Variants in LARP1 observed in about 807,000 individuals in gnomAD.
The protein encoded by LARP1 is La ribonucleoprotein 1, translational regulator.
In LARP1, 36 loss-of-function variants were observed where a neutral mutation model predicts 122.7. The ratio of observed to expected loss-of-function variants is 0.29; its 90% confidence interval spans 0.22 to 0.39. LARP1 has a LOEUF of 0.39. Ranked by LOEUF, LARP1 falls within the 10% of genes least tolerant of loss-of-function variation. The probability of loss-of-function intolerance (pLI) is 1.00; values close to 1 mark genes in which losing one functional copy is unlikely to be tolerated. For synonymous variants in LARP1, 539 were observed against 528.7 expected (o/e 1.02, Z -0.27); for missense variants, 1,040 against 1,403.6 (o/e 0.74, Z 4.14).
In LARP1 at chr5:154,814,268, C is replaced by T; in HGVS notation, c.*172C>T. 1 of 624,588 alleles carries T rather than the reference C, an allele frequency of 1.6e-6. No homozygotes were observed. Among genetic ancestry groups the T allele is most frequent in the Non-Finnish European group, 2.8e-6 (1 of 357,898 alleles). 38.7% of individuals were successfully genotyped at this position (624,588 alleles called of 1,614,324 possible). ...ACCATTTGGGCTATCAGAGGTACCC[C>T]TGGGCAGGAGCCTCTACATCCCCTT... On this transcript the variant is annotated 3_prime_UTR_variant, in exon 19 of 19. Coordinates refer to ENST00000518297, the MANE Select transcript of LARP1 (RefSeq NM_033551.3).
At chr5:154,789,846 T>A (rs955118809) in intron 1 of LARP1, among the ~76,000 whole-genome samples, 5 of 152,184 alleles carry the variant, frequency 3.3e-5, no homozygotes, top group Non-Finnish European at 5.9e-5. Context: ...GATTTTTTGA[T>A]GGCTCACTTA....
rs573438135 is a variant in LARP1, at chr5:154,774,811, C to T, written c.437-15514C>T. Among the ~76,000 whole-genome samples the T allele has an allele frequency of 5.3e-5, 8 of 152,248 alleles. No homozygotes were observed. The East Asian group carries it at 9.7e-4, about 18-fold the overall frequency. The stretch of plus-strand genomic sequence containing the variant: ...AAAAGGGCTTTGGTCACTAAGAAGC[C>T]GTCTGGTCACTTCTTTTACAGAAAA... On this transcript the variant is annotated intron_variant, in intron 1 of 18. Transcript: ENST00000518297.
Position 154,756,096 on chromosome 5 carries a change from C to A in LARP1, c.339C>A (p.Arg113=), listed in dbSNP as rs1753863410. 8.4e-7 allele frequency: 1 copy of A among 1,193,316 alleles called. No homozygotes were observed. The highest frequency in any genetic ancestry group is 1.1e-6 in the Non-Finnish European group (1 of 941,370). The allele number at this position is 1,193,316 out of a possible 1,614,324, so 73.9% of individuals were successfully genotyped here. A position where few individuals can be genotyped will look rare whatever the true frequency, so the allele number is the denominator to read the frequency against. The change falls in exon 1 of 19, where the codon CGC becomes CGA. Residue 113 remains arginine, a synonymous_variant. Coordinates refer to ENST00000518297, the MANE Select transcript of LARP1 (RefSeq NM_033551.3). ...CTGCCGGAGCCGCGGGCGCGGGGCG[C>A]CGGGACTTCGTGGAAGCCCCCCCGC... ...GGAAGAAGAG[R]RDFVEAPPPK... is the part of the protein sequence containing the mutation.
chr5:154,718,167 T>C (rs1480607771), intron 1 of LARP1, among the ~76,000 whole-genome samples: 4 of 152,058 alleles, frequency 2.6e-5, no homozygotes. Context: ...AATGAACCTC[T>C]TGCCTCAGCC....
At chr5:154,727,265 G>A (rs1479469255) in intron 1 of LARP1, among the ~76,000 whole-genome samples, 1 of 152,048 alleles carries the variant, frequency 6.6e-6, no homozygotes, top group African/African-American at 2.4e-5. Context: ...AACAGAATAA[G>A]TAAATAAAAC....
chr5:154,811,785 C>T (rs889562427), intron 18 of LARP1, 145 bp downstream of exon 18: 1 of 941,834 alleles, frequency 1.1e-6, no homozygotes, highest in South Asian at 1.6e-5. Flanking sequence ...GCTTTTTCAC[C>T]TTTAAAATGG....
At position 154,802,910 on chromosome 5, in the gene LARP1, T is replaced by C. The variant is rs1758458472; in HGVS notation, c.2110-380T>C. Among the ~76,000 whole-genome samples, 1 of 152,146 alleles carries C rather than the reference T, an allele frequency of 6.6e-6. No homozygotes were observed. Among genetic ancestry groups the C allele is most frequent in the South Asian group, 2.1e-4 (1 of 4,822 alleles). ...GGTGAGCCTTTGTAATAAGTAGCAG[T>C]GTGTTTCCTGGAAGTAAGGAGGAAG... On this transcript the variant is annotated intron_variant, in intron 11 of 18. Coordinates refer to ENST00000518297, the MANE Select transcript of LARP1 (RefSeq NM_033551.3). This position sits in a 1 kb window ranked among gnomAD's most constrained non-coding sequence, Gnocchi z 5.1.
chr5:154,737,733 C>T (rs944360493), intron 1 of LARP1, among the ~76,000 whole-genome samples: 1 of 152,058 alleles, frequency 6.6e-6, no homozygotes, highest in Non-Finnish European at 1.5e-5. Context: ...TACTTGTTTT[C>T]TCCTCAAAAC....
At chr5:154,685,811 TTTTTTTTTTTTAAA>T (rs777758653) in intron 1 of LARP1, 2 of 437,862 alleles carry the variant, frequency 4.6e-6, no homozygotes, top group Non-Finnish European at 8.9e-6. Flanking sequence ...ACTCTACAAT[TTTTTTTTTTTTAAA>T]TTTTAGAGAC....
intron 1 of LARP1, among the ~76,000 whole-genome samples, chr5:154,738,576 A>T (rs190961248): frequency 3.6e-4 from 55 of 152,198 alleles, no homozygotes; most frequent in Non-Finnish European, 7.1e-4. Context: ...TGGGGGACAG[A>T]GCGAGACTCC....
At chr5:154,804,118 C>A in intron 13 of LARP1, 83 bp from the exon 14 acceptor site, 1 of 948,518 alleles carries the variant, frequency 1.1e-6, no homozygotes, top group Non-Finnish European at 1.7e-6. Flanking sequence ...AGAGATCATG[C>A]CCATCTTAGT....
In LARP1 at chr5:154,739,922, G is replaced by A. The variant is rs140860566; in HGVS notation, c.205+26792G>A. On this transcript the variant is annotated intron_variant, in intron 1 of 18. Transcript: ENST00000336314. Reference sequence around the variant, plus strand: ...AGGTTTTAAAACCACTAGCAAGCAAGGTGTGGTGGCTCATGCCTGTAATCC... The same window carrying A: ...AGGTTTTAAAACCACTAGCAAGCAAAGTGTGGTGGCTCATGCCTGTAATCC... Among the ~76,000 whole-genome samples, 384 of 152,126 alleles carry A rather than the reference G, an allele frequency of 2.5e-3. 5 individuals are homozygous for A. The highest frequency in any genetic ancestry group is 8.4e-3 in the African/African-American group (349 of 41,486).
chr5:154,713,367 G>T (rs945913741), intron 1 of LARP1, among the ~76,000 whole-genome samples: 1 of 152,188 alleles, frequency 6.6e-6, no homozygotes, highest in African/African-American at 2.4e-5. Context: ...TGTTCTGAAA[G>T]ATTTAAGTCT....
At chr5:154,768,560 TTTTTTATTTATTTA>T (rs1328441029) in intron 1 of LARP1, among the ~76,000 whole-genome samples, 6 of 152,192 alleles carry the variant, frequency 3.9e-5, no homozygotes, top group South Asian at 4.1e-4. Context: ...ATGTACCCTA[TTTTTTATTTATTTA>T]TTTTTATTTA....
rs955341228 is a variant in LARP1 at position 154,804,187 on chromosome 5, G to A, written c.2440-14G>A. ...GAGTACAAACAGTAACAAACCCTGG[G>A]CTAACCTTTGCAGATGCCTCGAAAA... On this transcript the variant is annotated splice_polypyrimidine_tract_variant and intron_variant, in intron 13 of 18. Coordinates refer to ENST00000518297, the MANE Select transcript of LARP1 (RefSeq NM_033551.3). 1 of 1,606,980 alleles carries A rather than the reference G, an allele frequency of 6.2e-7. No individual in the cohort carries two copies. Among genetic ancestry groups the A allele is most frequent in the African/African-American group, 1.3e-5 (1 of 74,872 alleles).
intron 1 of LARP1, among the ~76,000 whole-genome samples, chr5:154,735,825 C>T (rs1405065152): frequency 2.0e-5 from 3 of 151,894 alleles, no homozygotes; most frequent in African/African-American, 7.3e-5. Context: ...CCCGCCTTGG[C>T]CTCCTAAAGT....
At chr5:154,730,863 C>CTTT (rs60848864) in intron 1 of LARP1, among the ~76,000 whole-genome samples, 10 of 127,748 alleles carry the variant, frequency 7.8e-5, no homozygotes, top group Non-Finnish European at 1.3e-4. Context: ...ACCATTCTGA[C>CTTT]TTTTTTTTTT....
intron 1 of LARP1, among the ~76,000 whole-genome samples, chr5:154,732,197 A>C (rs1402973571): frequency 7.5e-6 from 1 of 133,032 alleles, no homozygotes; most frequent in Non-Finnish European, 1.6e-5. Context: ...AACAAAAAAA[A>C]AAAAAAAAGA....
chr5:154,717,307 C>T (rs535345718), intron 1 of LARP1, among the ~76,000 whole-genome samples: 1 of 152,152 alleles, frequency 6.6e-6, no homozygotes. Flanking sequence ...TGATGCCAGC[C>T]TGGCCCCACA....
Sources: allele counts gnomAD v4.1 joint callset (sites outside exome capture counted in the v4.1 genomes callset), GRCh38; gene constraint gnomAD v4.1.1; non-coding constraint Gnocchi (gnomAD v3.1); transcripts MANE v1.5; gene names NCBI Gene and HGNC (gene_info 2026-07-23, HGNC 2026-07-21).